Variants in GABBR2 observed in about 807,000 individuals in gnomAD.
GABBR2 encodes gamma-aminobutyric acid type B receptor subunit 2.
A neutral mutation model predicts 105.6 loss-of-function variants in GABBR2; 23 were observed. That is an observed-to-expected ratio of 0.22 (90% confidence interval 0.16 to 0.31). The LOEUF is 0.31. Among genes scored for constraint, GABBR2 ranks in the 10% least tolerant of loss-of-function variants. GABBR2 has a pLI of 1.00. For missense variants in GABBR2, 734 were observed against 1,245.5 expected (o/e 0.59, Z 6.18); for synonymous variants, 478 against 499.7 (o/e 0.96, Z 0.58).
At chr9:98,375,980 A>C (rs1486446227) in intron 11 of GABBR2, among the ~76,000 whole-genome samples, 1 of 152,174 alleles carries the variant, frequency 6.6e-6, no homozygotes, top group Non-Finnish European at 1.5e-5. Flanking sequence ...CTAAAGTCTT[A>C]CGTGTGTTTA....
intron 1 of GABBR2, among the ~76,000 whole-genome samples, chr9:98,682,882 T>C (rs1252549301): frequency 3.7e-5 from 1 of 27,048 alleles, no homozygotes; most frequent in Non-Finnish European, 7.7e-5. Flanking sequence ...GAGCTTTTGA[T>C]TTTGTTTTGT....
At chr9:98,503,205 T>C (rs112798726) in intron 3 of GABBR2, among the ~76,000 whole-genome samples, 78 of 152,190 alleles carry the variant, frequency 5.1e-4, no homozygotes, top group African/African-American at 1.9e-3. Flanking sequence ...AGGAGCAGCA[T>C]GTGTACTTCC....
In GABBR2 at chr9:98,398,987, G is replaced by A. The variant is rs558567535; in HGVS notation, c.1298-4732C>T. The stretch of plus-strand genomic sequence containing the variant: ...AGAGCTAAGTACCTGAGGGGACCCA[G>A]GTCATATGCAATAGGCTGTCTGCCC... On this transcript the variant is annotated intron_variant, in intron 8 of 18. Coordinates refer to ENST00000259455, the MANE Select transcript of GABBR2 (RefSeq NM_005458.8). 9.1e-4 allele frequency among the ~76,000 whole-genome samples: 139 copies of A among 152,276 alleles called. No individual in the cohort carries two copies. In the Middle Eastern group the frequency reaches 0.017, roughly 19 times the overall value.
chr9:98,338,156 T>C (rs921719130), intron 13 of GABBR2, among the ~76,000 whole-genome samples: 1 of 152,154 alleles, frequency 6.6e-6, no homozygotes, highest in Non-Finnish European at 1.5e-5. Flanking sequence ...TAAGAACAAA[T>C]AGTATAAAAC....
At position 98,548,327 on chromosome 9, in the gene GABBR2, C is replaced by G. The variant is rs1464308128; in HGVS notation, c.460-6284G>C. Among the ~76,000 whole-genome samples the G allele has an allele frequency of 1.7e-5, 2 of 120,222 alleles. 1 individual carries two copies. The highest frequency in any genetic ancestry group is 5.3e-5 in the African/African-American group (2 of 37,500). The allele number at this position is 120,222 out of a possible 152,430, so 78.9% of individuals were successfully genotyped here. A position where few individuals can be genotyped will look rare whatever the true frequency, so the allele number is the denominator to read the frequency against. On this transcript the variant is annotated intron_variant, in intron 2 of 18. Transcript: ENST00000259455. ...AGCACAGTTTTTGGTGTCTAGTAGGCTTTCACCTTAGGCTGGTCTACATTA... is the reference window on the plus strand; with the variant it reads ...AGCACAGTTTTTGGTGTCTAGTAGGGTTTCACCTTAGGCTGGTCTACATTA...
chr9:98,538,685 C>T (rs2779601), intron 3 of GABBR2: 253,575 of 593,360 alleles, frequency 0.43, 56,343 homozygotes, highest in East Asian at 0.65. Flanking sequence ...CCACCCCCTC[C>T]GACTTCAGGA....
intron 1 of GABBR2, among the ~76,000 whole-genome samples, chr9:98,677,351 G>A (rs1411622150): frequency 6.6e-6 from 1 of 152,306 alleles, no homozygotes; most frequent in East Asian, 1.9e-4. Context: ...AAGAGCCCTG[G>A]TCATTGGCTT....
At chr9:98,310,655 C>T (rs1830621798) in intron 14 of GABBR2, among the ~76,000 whole-genome samples, 1 of 152,174 alleles carries the variant, frequency 6.6e-6, no homozygotes, top group African/African-American at 2.4e-5. Context: ...GAGGCTTACC[C>T]TCCTCATCTA....
chr9:98,437,260 C>T (rs1209547052), intron 7 of GABBR2, among the ~76,000 whole-genome samples: 1 of 152,126 alleles, frequency 6.6e-6, no homozygotes, highest in African/African-American at 2.4e-5. Flanking sequence ...AATTACCTCT[C>T]CTAGGCCTAG....
chr9:98,364,600 G>GT, intron 12 of GABBR2, among the ~76,000 whole-genome samples: 2 of 86,300 alleles, frequency 2.3e-5, no homozygotes, highest in Non-Finnish European at 2.2e-5. Context: ...TGAGGAAGTG[G>GT]ATTTTTTTTT....
intron 6 of GABBR2, among the ~76,000 whole-genome samples, chr9:98,465,386 G>A (rs1006681390): frequency 6.6e-6 from 1 of 152,128 alleles, no homozygotes; most frequent in Non-Finnish European, 1.5e-5. Flanking sequence ...TATACAAAAT[G>A]TATTTCAGGT....
Position 98,460,336 on chromosome 9 carries a change from G to A in GABBR2, c.1000-6119C>T, listed in dbSNP as rs185699182. Among the ~76,000 whole-genome samples, 372 of 152,186 alleles carry A rather than the reference G, an allele frequency of 2.4e-3. 1 individual carries two copies. Among genetic ancestry groups the A allele is most frequent in the South Asian group, 4.8e-3 (23 of 4,822 alleles). ...AGGTGCAGTGAGCCAAGATCACACCGCTGCACTCTGGCCTCGGTGACAGAG... is the reference window on the plus strand; with the variant it reads ...AGGTGCAGTGAGCCAAGATCACACCACTGCACTCTGGCCTCGGTGACAGAG... On this transcript the variant is annotated intron_variant, in intron 6 of 18. Transcript: ENST00000259455.
At chr9:98,439,243 C>A (rs542066302) in intron 7 of GABBR2, among the ~76,000 whole-genome samples, 1 of 152,152 alleles carries the variant, frequency 6.6e-6, no homozygotes, top group South Asian at 2.1e-4. Context: ...TCTTGGGCAC[C>A]TGTTGCTCTA....
At chr9:98,567,548 A>C (rs1258450864) in intron 2 of GABBR2, among the ~76,000 whole-genome samples, 2 of 152,236 alleles carry the variant, frequency 1.3e-5, no homozygotes, top group African/African-American at 4.8e-5. Context: ...ATCTGAAGAC[A>C]AATGGAGACC....
chr9:98,329,236 G>A (rs994700217), intron 13 of GABBR2, among the ~76,000 whole-genome samples: 1 of 152,196 alleles, frequency 6.6e-6, no homozygotes. Context: ...TTGTAGGAAT[G>A]GTTTAAACTG....
intron 2 of GABBR2, among the ~76,000 whole-genome samples, chr9:98,565,635 A>G (rs762584729): frequency 2.0e-5 from 3 of 152,144 alleles, no homozygotes; most frequent in Non-Finnish European, 4.4e-5. Flanking sequence ...CTGGGTGACT[A>G]TGTCCTTGAG....
intron 17 of GABBR2, among the ~76,000 whole-genome samples, chr9:98,298,902 T>C (rs1052935175): frequency 6.6e-6 from 1 of 152,198 alleles, no homozygotes; most frequent in East Asian, 1.9e-4. Context: ...GGGTAAACTA[T>C]TCGCTAAGAA....
chr9:98,520,093 G>T (rs1827837517), intron 3 of GABBR2, among the ~76,000 whole-genome samples: 1 of 152,142 alleles, frequency 6.6e-6, no homozygotes, highest in South Asian at 2.1e-4. Flanking sequence ...TCTGTTAAAA[G>T]GGCATAACCA....
intron 13 of GABBR2, among the ~76,000 whole-genome samples, chr9:98,319,098 C>T (rs1449648116): frequency 6.6e-6 from 1 of 152,138 alleles, no homozygotes; most frequent in Non-Finnish European, 1.5e-5. Context: ...GACTCAGATC[C>T]CAAGTCCACC....
Sources: gnomAD v4.1 joint callset for allele counts (sites outside exome capture counted in the v4.1 genomes callset) on GRCh38, gnomAD v4.1.1 for gene constraint, MANE v1.5 for transcripts, NCBI Gene and HGNC (gene_info 2026-07-23, HGNC 2026-07-21) for gene names.